Variants in DNAH10 observed in about 807,000 individuals in gnomAD.
DNAH10 encodes dynein axonemal heavy chain 10, also known as axonemal beta dynein heavy chain 10.
Under a neutral mutation model 506.6 loss-of-function variants are expected in DNAH10, and 348 were observed. The ratio of observed to expected loss-of-function variants is 0.69; its 90% confidence interval spans 0.63 to 0.75. DNAH10 has a LOEUF of 0.75. Ranked by LOEUF, DNAH10 falls within the 30% of genes least tolerant of loss-of-function variation. The pLI is 0.00. For missense variants in DNAH10, 5,179 were observed against 5,787.1 expected (o/e 0.89, Z 3.41); for synonymous variants, 2,059 against 2,198.6 (o/e 0.94, Z 1.78).
intron 24 of DNAH10, among the ~76,000 whole-genome samples, chr12:123,823,729 C>T (rs1470495274): frequency 6.6e-6 from 1 of 152,140 alleles, no homozygotes; most frequent in East Asian, 1.9e-4. Context: ...TCCATCCCCT[C>T]AAGCTTTTAT....
intron 41 of DNAH10, among the ~76,000 whole-genome samples, chr12:123,866,399 A>T (rs557168103): frequency 1.2e-3 from 188 of 151,174 alleles, no homozygotes; most frequent in Non-Finnish European, 1.9e-3. Flanking sequence ...GCCCGCCACC[A>T]CGACCGGCTA....
chr12:123,903,067 A>G lies in DNAH10; in HGVS notation c.9769A>G (p.Lys3257Glu). ...GGTCATGCCCATCCTGGAGGCCGCC[A>G]AGCTGGAACTGCAGAAGCTGGACAA... ...AEVMPILEAA[K>E]LELQKLDKSD... is the part of the protein sequence containing the mutation. Residue 3257 changes from lysine to glutamate, a missense_variant, in exon 57 of 79, where the codon AAG becomes GAG. Transcript: ENST00000673944. The surrounding 1 kb of genome is among the most constrained non-coding windows in gnomAD (Gnocchi z 4.6). 1 of 1,611,826 alleles carries G rather than the reference A, an allele frequency of 6.2e-7. No individual in the cohort carries two copies. Among genetic ancestry groups the G allele is most frequent in the Non-Finnish European group, 8.5e-7 (1 of 1,178,966 alleles).
chr12:123,816,459 T>C (rs1033388436), intron 21 of DNAH10, among the ~76,000 whole-genome samples: 5 of 152,198 alleles, frequency 3.3e-5, no homozygotes, highest in Admixed American at 1.3e-4. Context: ...GCTTCCAGGT[T>C]GTTAACCACA....
chr12:123,860,042 A>AAAG (rs553652979), intron 38 of DNAH10, among the ~76,000 whole-genome samples: 1 of 152,190 alleles, frequency 6.6e-6, no homozygotes, highest in African/African-American at 2.4e-5. Flanking sequence ...AAAAAAAAAA[A>AAAG]AAAGGAGAGT....
chr12:123,905,705 C>G (rs1233576130), intron 57 of DNAH10, among the ~76,000 whole-genome samples: 1 of 150,824 alleles, frequency 6.6e-6, no homozygotes, highest in Non-Finnish European at 1.5e-5. Flanking sequence ...GTTTGCGTAT[C>G]TATTGGGTCG....
chr12:123,813,948 T>C, intron 21 of DNAH10, 36 bp downstream of exon 21: 1 of 1,544,090 alleles, frequency 6.5e-7, no homozygotes, highest in Non-Finnish European at 8.7e-7. Context: ...CATTTAACAA[T>C]TGGATTGACC....
rs568404417 is a variant in DNAH10, at chr12:123,853,994, A to G, written c.6438+642A>G. Among the ~76,000 whole-genome samples the G allele has an allele frequency of 5.8e-4, 87 of 150,830 alleles. No individual in the cohort carries two copies. The highest frequency in any genetic ancestry group is 1.9e-3 in the African/African-American group (77 of 41,138). On this transcript the variant is annotated intron_variant, in intron 36 of 78. Transcript: ENST00000673944. This position sits in a 1 kb window ranked among gnomAD's most constrained non-coding sequence, Gnocchi z 4.7. ...AAAAAACAGCCGTGAGTGCAGTGAT[A>G]GAAGCCTGTTTGTGTCCATAGGAGG...
chr12:123,833,401 T>C, intron 27 of DNAH10, 54 bp downstream of exon 27: 4 of 1,351,758 alleles, frequency 3.0e-6, no homozygotes, highest in Non-Finnish European at 3.1e-6. Flanking sequence ...AGCAGTGGCT[T>C]TTATATGAGG....
chr12:123,801,457 C>G (rs759392468), intron 16 of DNAH10, 25 bp downstream of exon 16: 1 of 1,601,546 alleles, frequency 6.2e-7, no homozygotes, highest in South Asian at 1.1e-5. Flanking sequence ...CTATTGATTG[C>G]CTTTTAGACT....
intron 5 of DNAH10, among the ~76,000 whole-genome samples, chr12:123,780,645 T>G (rs1407977732): frequency 6.6e-6 from 1 of 151,960 alleles, no homozygotes; most frequent in Non-Finnish European, 1.5e-5. Context: ...CTTTGCATAT[T>G]TGTATCTCAA....
chr12:123,879,262 A>G lies in DNAH10; in HGVS notation c.8373-2A>G, dbSNP rs1185256672. The G allele has an allele frequency of 2.5e-6, 4 of 1,569,590 alleles. No individual in the cohort carries two copies. The highest frequency in any genetic ancestry group is 3.5e-6 in the Non-Finnish European group (4 of 1,156,654). ...CTGATTTTTGTCCCTTCCATTCTGCAGATTCCAGACGGTGGCCCAGATGGT... is the reference window on the plus strand; with the variant it reads ...CTGATTTTTGTCCCTTCCATTCTGCGGATTCCAGACGGTGGCCCAGATGGT... On this transcript the variant is annotated splice_acceptor_variant, in intron 48 of 78. Coordinates refer to ENST00000673944, the MANE Select transcript of DNAH10 (RefSeq NM_001372106.1). LOFTEE classifies it high-confidence loss of function.
chr12:123,923,242 A>G (rs1214803659), intron 65 of DNAH10: 1 of 152,314 alleles, frequency 6.6e-6, no homozygotes. Flanking sequence ...TTTTATTGGA[A>G]CAGGGCCATA....
chr12:123,798,833 C>T (rs937190595), intron 13 of DNAH10, among the ~76,000 whole-genome samples: 1 of 148,956 alleles, frequency 6.7e-6, no homozygotes, highest in African/African-American at 2.5e-5. Context: ...TGACCAGGTG[C>T]AGTGGCTCAC....
At chr12:123,920,990 C>T (rs377758454) in intron 65 of DNAH10, among the ~76,000 whole-genome samples, 1 of 152,148 alleles carries the variant, frequency 6.6e-6, no homozygotes, top group Non-Finnish European at 1.5e-5. Context: ...CCAGGCTGAT[C>T]TTGAACTCCT....
chr12:123,804,814 C>T lies in DNAH10; in HGVS notation c.2780-19C>T, dbSNP rs764537791. ...TCCCTGTGTTCGTGGACAGCTCTAA[C>T]AGACATCTTTCTCTCCAGGCGTGAA... On this transcript the variant is annotated intron_variant, in intron 17 of 78. Coordinates refer to ENST00000673944, the MANE Select transcript of DNAH10 (RefSeq NM_001372106.1). 7 of 1,604,096 alleles carry T rather than the reference C, an allele frequency of 4.4e-6. No individual in the cohort carries two copies. In the African/African-American group the frequency reaches 9.4e-5, roughly 21 times the overall value.
At chr12:123,876,620 C>T (rs1952266050) in intron 47 of DNAH10, among the ~76,000 whole-genome samples, 1 of 150,486 alleles carries the variant, frequency 6.6e-6, no homozygotes, top group African/African-American at 2.5e-5. Context: ...GCAACAGAGT[C>T]TCAATCTAAA....
chr12:123,782,358 T>TC (rs1565896557), intron 6 of DNAH10, among the ~76,000 whole-genome samples: 2 of 35,922 alleles, frequency 5.6e-5, no homozygotes, highest in Non-Finnish European at 9.2e-5. Context: ...CCCCTCCCCT[T>TC]CTCTCCCCTC....
rs1457342020 is a variant in DNAH10 at position 123,803,658 on chromosome 12, A to G, written c.2615-3A>G. ...ATGTCTTTCTTTCTTTCTTTCTTCA[A>G]AGGTATCGGTGACTATATAACTGGT... On this transcript the variant is annotated splice_polypyrimidine_tract_variant and splice_region_variant and intron_variant, in intron 16 of 78. Coordinates refer to ENST00000673944, the MANE Select transcript of DNAH10 (RefSeq NM_001372106.1). 2.6e-6 allele frequency: 4 copies of G among 1,549,408 alleles called. No homozygotes were observed. The highest frequency in any genetic ancestry group is 1.2e-5 in the South Asian group (1 of 80,698).
rs901478771 is a variant in DNAH10 at position 123,913,832 on chromosome 12, G to C, written c.10353-497G>C. ...TTTGAATCTAGCATCTGTAAGTGTGGTGTAGAAAACACTGAAAAATGTTGT... is the reference window on the plus strand; with the variant it reads ...TTTGAATCTAGCATCTGTAAGTGTGCTGTAGAAAACACTGAAAAATGTTGT... On this transcript the variant is annotated intron_variant, in intron 60 of 78. Transcript: ENST00000673944. The surrounding 1 kb of genome is among the most constrained non-coding windows in gnomAD (Gnocchi z 5.1). Among the ~76,000 whole-genome samples the C allele has an allele frequency of 3.3e-5, 5 of 152,218 alleles. No individual in the cohort carries two copies. The highest frequency in any genetic ancestry group is 7.3e-5 in the Non-Finnish European group (5 of 68,042).
Sources: gnomAD v4.1 joint callset for allele counts (sites outside exome capture counted in the v4.1 genomes callset) on GRCh38, gnomAD v4.1.1 for gene constraint, Gnocchi (gnomAD v3.1) non-coding constraint, MANE v1.5 for transcripts, NCBI Gene and HGNC (gene_info 2026-07-23, HGNC 2026-07-21) for gene names.